SORBS2: variants seen among roughly 807,000 people sequenced by gnomAD.
SORBS2 encodes sorbin and SH3 domain-containing protein 2.
In SORBS2, 46 loss-of-function variants were observed where a neutral mutation model predicts 97.7. The ratio of observed to expected loss-of-function variants is 0.47; its 90% CI spans 0.37 to 0.60. The LOEUF is 0.60. SORBS2 is among the 20% of genes least tolerant of loss of function. The pLI is 0.00. For synonymous variants in SORBS2, 476 were observed against 473.4 expected, an observed-to-expected ratio of 1.01 and a Z score of -0.07; for missense variants, 1,316 against 1,282.3, an observed-to-expected ratio of 1.03 and a Z score of -0.40.
chr4:185,743,999 C>T (rs1040403589), intron 2 of SORBS2, among the ~76,000 whole-genome samples: 1 of 137,472 alleles, frequency 7.3e-6, no homozygotes, highest in Non-Finnish European at 1.5e-5. Context: ...CCTCCTGTCC[C>T]CCTCACCTTT....
intron 2 of SORBS2, among the ~76,000 whole-genome samples, chr4:185,705,681 ATTAT>A (rs1433187536): frequency 3.3e-5 from 5 of 152,144 alleles, no homozygotes; most frequent in African/African-American, 1.2e-4. Context: ...TCTGGTACAT[ATTAT>A]TTACCCAGTG....
intron 1 of SORBS2, among the ~76,000 whole-genome samples, chr4:185,837,283 T>G (rs1276165542): frequency 6.6e-6 from 1 of 152,166 alleles, no homozygotes; most frequent in Non-Finnish European, 1.5e-5. Context: ...CAGAACTGCC[T>G]ACAAGTTGCA....
At chr4:185,868,454 C>T (rs2099228548) in intron 1 of SORBS2, among the ~76,000 whole-genome samples, 1 of 151,066 alleles carries the variant, frequency 6.6e-6, no homozygotes, top group Non-Finnish European at 1.5e-5. Flanking sequence ...CCGTGCCCAG[C>T]CGAAAGCTTC....
intron 2 of SORBS2, among the ~76,000 whole-genome samples, chr4:185,709,143 C>T (rs2098389496): frequency 6.6e-6 from 1 of 152,194 alleles, no homozygotes; most frequent in Non-Finnish European, 1.5e-5. Context: ...CTCAACCTCC[C>T]AGGTAGCTGG....
At chr4:185,875,022 A>T (rs951455168) in intron 1 of SORBS2, among the ~76,000 whole-genome samples, 5 of 152,088 alleles carry the variant, frequency 3.3e-5, no homozygotes, top group African/African-American at 1.2e-4. Context: ...ACTCAGAGAA[A>T]CTGTGAGGCA....
chr4:185,908,315 ATATATATT>A (rs1157904753), intron 1 of SORBS2, among the ~76,000 whole-genome samples: 21 of 132,348 alleles, frequency 1.6e-4, no homozygotes, highest in Non-Finnish European at 2.5e-4. Flanking sequence ...ATATATATAT[ATATATATT>A]TGTATACACA....
intron 1 of SORBS2, among the ~76,000 whole-genome samples, chr4:185,945,110 G>A (rs1426479845): frequency 6.6e-6 from 1 of 152,160 alleles, no homozygotes; most frequent in African/African-American, 2.4e-5. Context: ...TGTTGATTTG[G>A]AGATGGGCCC....
intron 4 of SORBS2, among the ~76,000 whole-genome samples, chr4:185,631,776 CAAAAAACAACA>C (rs2096911950): frequency 8.6e-6 from 1 of 116,926 alleles, no homozygotes; most frequent in Non-Finnish European, 2.0e-5. Flanking sequence ...AAAACAAAAA[CAAAAAACAACA>C]AAAAAACAAA....
chr4:185,948,236 G>T (rs2099275483), intron 1 of SORBS2, among the ~76,000 whole-genome samples: 1 of 152,098 alleles, frequency 6.6e-6, no homozygotes, highest in Admixed American at 6.5e-5. Context: ...CCTGGTTTAA[G>T]CTTGGTTTAC....
At chr4:185,767,222 G>T (rs2153616626) in intron 2 of SORBS2, among the ~76,000 whole-genome samples, 1 of 152,166 alleles carries the variant, frequency 6.6e-6, no homozygotes, top group Admixed American at 6.5e-5. Flanking sequence ...GAGCTGGCCG[G>T]GCGCGGTGGC....
rs184662364 is a variant in SORBS2 at position 185,781,873 on chromosome 4, C to T, written c.-337-6507G>A. On this transcript the variant is annotated intron_variant, in intron 1 of 20. Coordinates refer to the SORBS2 transcript ENST00000284776. Reference sequence around the variant, plus strand: ...CTTCCCTGCTCCACCAGCGTAGCCCCGCCACCCCCTTTTTTTAACTCGTAA... The same window carrying T: ...CTTCCCTGCTCCACCAGCGTAGCCCTGCCACCCCCTTTTTTTAACTCGTAA... Among the ~76,000 whole-genome samples the T allele has an allele frequency of 2.6e-3, 403 of 152,390 alleles. 3 individuals are homozygous for T. The highest frequency in any genetic ancestry group is 0.014 in the Middle Eastern group (4 of 294).
intron 7 of SORBS2, among the ~76,000 whole-genome samples, chr4:185,621,153 T>C (rs1157679932): frequency 6.6e-6 from 1 of 152,162 alleles, no homozygotes; most frequent in Admixed American, 6.5e-5. Flanking sequence ...AAAAATAAAA[T>C]TTATTTTATC....
chr4:185,802,860 C>T (rs2099136998), intron 1 of SORBS2, among the ~76,000 whole-genome samples: 1 of 152,158 alleles, frequency 6.6e-6, no homozygotes, highest in Non-Finnish European at 1.5e-5. Context: ...GGTGATATTT[C>T]TCCATGTCAA....
At chr4:185,637,338 C>A (rs1237762602) in intron 4 of SORBS2, among the ~76,000 whole-genome samples, 1 of 152,224 alleles carries the variant, frequency 6.6e-6, no homozygotes, top group Non-Finnish European at 1.5e-5. Context: ...CGGGCCATAG[C>A]ACACAGCCTA....
At chr4:185,799,755 C>T (rs1401531799) in intron 1 of SORBS2, among the ~76,000 whole-genome samples, 1 of 152,194 alleles carries the variant, frequency 6.6e-6, no homozygotes, top group African/African-American at 2.4e-5. Flanking sequence ...GTGCTCTCAT[C>T]AACATCCAAC....
intron 1 of SORBS2, among the ~76,000 whole-genome samples, chr4:185,825,615 T>C (rs934122350): frequency 1.3e-5 from 2 of 152,212 alleles, no homozygotes. Context: ...ATAAATCATT[T>C]TGATCACTTT....
At chr4:185,691,092 G>T (rs562039009) in intron 2 of SORBS2, among the ~76,000 whole-genome samples, 43 of 152,092 alleles carry the variant, frequency 2.8e-4, no homozygotes, top group African/African-American at 9.6e-4. Context: ...AATAGAGACG[G>T]GGTTTCACTA....
At position 185,685,372 on chromosome 4, in the gene SORBS2, T is replaced by G. The variant is rs1042971342; in HGVS notation, c.-197-6550A>C. Among the ~76,000 whole-genome samples the G allele has an allele frequency of 2.0e-5, 3 of 152,336 alleles. No homozygotes were observed. In the South Asian group the frequency reaches 6.2e-4, roughly 32 times the overall value. On this transcript the variant is annotated intron_variant, in intron 2 of 20. Coordinates refer to the SORBS2 transcript ENST00000284776. ...ATTAGTGACACAGGTATGATACATT[T>G]TTTTAGGATTCATAGAGGAACACAT...
chr4:185,862,427 C>T (rs1478730886), intron 1 of SORBS2, among the ~76,000 whole-genome samples: 2 of 152,218 alleles, frequency 1.3e-5, no homozygotes, highest in East Asian at 3.9e-4. Flanking sequence ...ATTTATTTTA[C>T]AGTAAGGACT....
Sources: allele counts gnomAD v4.1 joint callset (sites outside exome capture counted in the v4.1 genomes callset), GRCh38; gene constraint gnomAD v4.1.1; transcripts MANE v1.5; gene names NCBI Gene and HGNC (gene_info 2026-07-23, HGNC 2026-07-21).